Variants in FBXW10 observed in about 807,000 individuals in gnomAD.
The protein encoded by FBXW10 is F-box/WD repeat-containing protein 10.
Under a neutral mutation model 113.1 loss-of-function variants are expected in FBXW10, and 68 were observed. The observed-to-expected ratio is 0.60, with a 90% confidence interval of 0.49 to 0.74. The LOEUF is 0.74. Ranked by LOEUF, FBXW10 falls within the 30% of genes least tolerant of loss-of-function variation. The pLI, the probability that FBXW10 is intolerant of heterozygous loss-of-function variation, is 0.00. For synonymous variants in FBXW10, 289 were observed against 481.6 expected (o/e 0.60, Z 5.24); for missense variants, 753 against 1,284.5 (o/e 0.59, Z 6.32).
chr17:18,760,156 G>A (rs957118588), intron 7 of FBXW10, among the ~76,000 whole-genome samples: 1 of 152,104 alleles, frequency 6.6e-6, no homozygotes, highest in Non-Finnish European at 1.5e-5. Context: ...TAACAGTTTT[G>A]TCAATCTGAT....
rs752144572 is a variant in FBXW10 at position 18,775,092 on chromosome 17, C to CA, written c.2279-44_2279-43insA. On this transcript the variant is annotated intron_variant, in intron 12 of 13. Transcript: ENST00000395665. ...TGATTATATTATTTTATGCCCTAAT[C>CA]GAAGTATATAATGACTACAGCTTCT... The CA allele has an allele frequency of 1.3e-4, 170 of 1,293,060 alleles. 1 individual carries two copies. The highest frequency in any genetic ancestry group is 1.7e-4 in the Non-Finnish European group (152 of 892,808). 80.1% of individuals were successfully genotyped at this position (1,293,060 alleles called of 1,614,324 possible). A position where few individuals can be genotyped will look rare whatever the true frequency, so the allele number is the denominator to read the frequency against.
chr17:18,745,090 G>A, intron 1 of FBXW10: 4 of 1,210,862 alleles, frequency 3.3e-6, no homozygotes, highest in South Asian at 1.9e-5. Flanking sequence ...CTGCTTTAGG[G>A]ATTGGACTGA....
chr17:18,754,923 G>A (rs1021823159), intron 5 of FBXW10, among the ~76,000 whole-genome samples: 3 of 152,188 alleles, frequency 2.0e-5, no homozygotes, highest in African/African-American at 7.2e-5. Context: ...ACTTTGTAAG[G>A]CAGCTACAAG....
chr17:18,774,406 C>T (rs934720743), intron 12 of FBXW10, among the ~76,000 whole-genome samples: 2 of 152,138 alleles, frequency 1.3e-5, no homozygotes, highest in African/African-American at 4.8e-5. Flanking sequence ...TGGTTTCATA[C>T]GACAATAAAC....
chr17:18,762,081 G>T (rs79377474), intron 7 of FBXW10, among the ~76,000 whole-genome samples: 16 of 150,648 alleles, frequency 1.1e-4, no homozygotes, highest in South Asian at 4.2e-4. Context: ...TCCTTCCTCA[G>T]CCTCCCGAGT....
intron 7 of FBXW10, among the ~76,000 whole-genome samples, chr17:18,764,295 G>A (rs1567621628): frequency 6.7e-6 from 1 of 149,280 alleles, no homozygotes; most frequent in African/African-American, 2.5e-5. Context: ...TCTGCCTGCC[G>A]GATTCAAGCA....
chr17:18,762,841 T>C (rs1465542889), intron 7 of FBXW10, among the ~76,000 whole-genome samples: 5 of 149,270 alleles, frequency 3.3e-5, no homozygotes, highest in Admixed American at 6.8e-5. Flanking sequence ...ATCTGGAAAG[T>C]TCCTTCTTTT....
chr17:18,765,052 G>A (rs1033913198), intron 8 of FBXW10, among the ~76,000 whole-genome samples, 189 bp downstream of exon 8: 11 of 152,124 alleles, frequency 7.2e-5, no homozygotes, highest in African/African-American at 2.7e-4. Context: ...ACAGCTGTCT[G>A]TAGAATACCT....
chr17:18,761,542 G>A (rs1317348209), intron 7 of FBXW10, among the ~76,000 whole-genome samples: 1 of 152,290 alleles, frequency 6.6e-6, no homozygotes, highest in Non-Finnish European at 1.5e-5. Flanking sequence ...TGGGATTACA[G>A]GCATGAGCCA....
chr17:18,776,021 G>GAA (rs71954242), intron 13 of FBXW10, among the ~76,000 whole-genome samples: 68,047 of 143,542 alleles, frequency 0.47, 16,001 homozygotes, highest in Non-Finnish European at 0.51. Context: ...TTAAAGAAAA[G>GAA]AAAAAAAAAA....
intron 13 of FBXW10, among the ~76,000 whole-genome samples, chr17:18,775,955 C>T (rs535288910): frequency 7.9e-5 from 12 of 151,298 alleles, no homozygotes; most frequent in Non-Finnish European, 1.5e-5. Context: ...AGTCCAGGAG[C>T]TTGACGTTAC....
intron 13 of FBXW10, 142 bp downstream of exon 13, chr17:18,775,334 C>T (rs1242978568): frequency 3.2e-6 from 2 of 630,136 alleles, no homozygotes; most frequent in Non-Finnish European, 5.7e-6. Flanking sequence ...CAAACTCTTT[C>T]TCTCACTCTA....
intron 5 of FBXW10, among the ~76,000 whole-genome samples, 187 bp downstream of exon 5, chr17:18,751,240 T>TA (rs1455233351): frequency 1.4e-4 from 19 of 136,926 alleles, no homozygotes; most frequent in Non-Finnish European, 3.2e-5. Flanking sequence ...TTTTTTTTTT[T>TA]AATGAGATGG....
At chr17:18,761,664 T>C (rs751769200) in intron 7 of FBXW10, among the ~76,000 whole-genome samples, 2 of 152,218 alleles carry the variant, frequency 1.3e-5, no homozygotes, top group Admixed American at 6.5e-5. Context: ...TTTATTTGGG[T>C]TGCATTGAAT....
chr17:18,766,960 G>A, intron 9 of FBXW10, 98 bp downstream of exon 9: 1 of 1,221,826 alleles, frequency 8.2e-7, no homozygotes, highest in Non-Finnish European at 1.2e-6. Context: ...GAGCAACTGA[G>A]TATGACCTTC....
intron 12 of FBXW10, among the ~76,000 whole-genome samples, chr17:18,774,908 T>TTAAA (rs2035675829): frequency 6.6e-6 from 1 of 152,242 alleles, no homozygotes; most frequent in Non-Finnish European, 1.5e-5. Context: ...ATGTTTAAGA[T>TTAAA]GATGGATATC....
At chr17:18,749,276 C>T (rs1482621919) in intron 2 of FBXW10, among the ~76,000 whole-genome samples, 2 of 152,058 alleles carry the variant, frequency 1.3e-5, no homozygotes, top group Admixed American at 1.3e-4. Context: ...CGGTGGCTCA[C>T]GCCTGTAATC....
At chr17:18,745,287 C>T in intron 1 of FBXW10, 1 of 864,166 alleles carries the variant, frequency 1.2e-6, no homozygotes. Flanking sequence ...GCTTAAGGGC[C>T]AAATAAGTCT....
At chr17:18,772,111 T>TA (rs983752654) in intron 11 of FBXW10, among the ~76,000 whole-genome samples, 86 of 151,642 alleles carry the variant, frequency 5.7e-4, no homozygotes, top group Non-Finnish European at 1.1e-3. Flanking sequence ...CTTCTCAAAA[T>TA]AAAAAAATAA....
Sources: allele counts gnomAD v4.1 joint callset (sites outside exome capture counted in the v4.1 genomes callset), GRCh38; gene constraint gnomAD v4.1.1; transcripts MANE v1.5; gene names NCBI Gene and HGNC (gene_info 2026-07-23, HGNC 2026-07-21).